Variants in STYK1 observed in about 807,000 individuals in gnomAD.
STYK1 encodes tyrosine-protein kinase STYK1.
A neutral mutation model predicts 48.1 loss-of-function variants in STYK1; 46 were observed. The observed-to-expected ratio is 0.96, with a 90% CI of 0.75 to 1.22. The LOEUF (loss-of-function observed/expected upper bound fraction) is 1.22. Among genes scored for constraint, STYK1 ranks in the 50% most tolerant of loss-of-function variants. STYK1 has a pLI of 0.00. For missense variants in STYK1, 527 were observed against 521.1 expected (o/e 1.01, Z -0.11); for synonymous variants, 188 against 189.0 (o/e 0.99, Z 0.04).
At chr12:10,644,486 A>G (rs1394885295) in intron 1 of STYK1, among the ~76,000 whole-genome samples, 2 of 152,258 alleles carry the variant, frequency 1.3e-5, no homozygotes, top group Non-Finnish European at 2.9e-5. Context: ...CTATTTTTGC[A>G]ACTACTTGTG....
chr12:10,642,151 C>T (rs1399552396), intron 1 of STYK1, among the ~76,000 whole-genome samples: 1 of 152,190 alleles, frequency 6.6e-6, no homozygotes, highest in Non-Finnish European at 1.5e-5. Flanking sequence ...CTTGTCCCTG[C>T]AAGAGCTCCC....
chr12:10,667,684 AG>A (rs1947847436), intron 1 of STYK1, among the ~76,000 whole-genome samples: 1 of 152,208 alleles, frequency 6.6e-6, no homozygotes, highest in South Asian at 2.1e-4. Flanking sequence ...CACTATGCCA[AG>A]AAGGGTTATT....
intron 4 of STYK1, among the ~76,000 whole-genome samples, chr12:10,632,885 G>A (rs915353725): frequency 5.9e-5 from 9 of 151,982 alleles, no homozygotes; most frequent in South Asian, 2.1e-4. Context: ...AAACACAGAA[G>A]ACAGGACTTG....
intron 7 of STYK1, 72 bp downstream of exon 7, chr12:10,627,569 A>T: frequency 1.5e-6 from 2 of 1,360,494 alleles, no homozygotes; most frequent in South Asian, 2.5e-5. Flanking sequence ...TATTAATATG[A>T]GAAATATGGC....
In STYK1 at chr12:10,622,621, T is replaced by G. The variant is rs1370466452; in HGVS notation, c.967+17A>C. On this transcript the variant is annotated intron_variant, in intron 9 of 10. Transcript: ENST00000075503. ...TATTTGCATACAGGTACACACTATT[T>G]TGGGGCTCATCCTTACCTAGAGTCA... 3.1e-6 allele frequency: 5 copies of G among 1,613,910 alleles called. No homozygotes were observed. Among genetic ancestry groups the G allele is most frequent in the African/African-American group, 1.3e-5 (1 of 75,028 alleles).
At chr12:10,668,642 G>A (rs1195723694) in intron 1 of STYK1, among the ~76,000 whole-genome samples, 6 of 136,410 alleles carry the variant, frequency 4.4e-5, no homozygotes, top group African/African-American at 1.4e-4. Context: ...TGATCCGCCC[G>A]CCTCAGCCTC....
At position 10,672,031 on chromosome 12, in the gene STYK1, C is replaced by T. The variant is rs1947896307; in HGVS notation, c.-195+1935G>A. On this transcript the variant is annotated intron_variant, in intron 1 of 10. Coordinates refer to ENST00000075503, the MANE Select transcript of STYK1 (RefSeq NM_018423.3). This position sits in a 1 kb window ranked among gnomAD's most constrained non-coding sequence, Gnocchi z 4.0. ...TTAAAATGAGGTAATTAGGATGGAC[C>T]CTAATCCAATAAGACTAGTGTCCTT... Among the ~76,000 whole-genome samples, 1 of 151,924 alleles carries T rather than the reference C, an allele frequency of 6.6e-6. No homozygotes were observed. Among genetic ancestry groups the T allele is most frequent in the Admixed American group, 6.6e-5 (1 of 15,264 alleles).
At chr12:10,658,859 T>C (rs1947746629) in intron 1 of STYK1, among the ~76,000 whole-genome samples, 2 of 152,202 alleles carry the variant, frequency 1.3e-5, no homozygotes, top group African/African-American at 4.8e-5. Flanking sequence ...TACATAATAT[T>C]ATTGTGTGCC....
At chr12:10,633,776 C>T (rs1259934195) in intron 4 of STYK1, among the ~76,000 whole-genome samples, 1 of 152,144 alleles carries the variant, frequency 6.6e-6, no homozygotes, top group Non-Finnish European at 1.5e-5. Flanking sequence ...TTCTTGCACA[C>T]TCTTTTTTCA....
chr12:10,666,017 C>T (rs1467184203), intron 1 of STYK1, among the ~76,000 whole-genome samples: 1 of 152,220 alleles, frequency 6.6e-6, no homozygotes, highest in Non-Finnish European at 1.5e-5. Flanking sequence ...CCTCTCTCCT[C>T]CTTCCTTAAG....
chr12:10,629,375 T>C, intron 6 of STYK1, 118 bp downstream of exon 6: 2 of 1,036,668 alleles, frequency 1.9e-6, no homozygotes, highest in Non-Finnish European at 2.9e-6. Context: ...TACTCCCTTA[T>C]TCTGTCATGC....
rs1271482942 is a variant in STYK1, at chr12:10,656,276, G to A, written c.-195+17690C>T. Among the ~76,000 whole-genome samples, 17 of 152,250 alleles carry A rather than the reference G, an allele frequency of 1.1e-4. No homozygotes were observed. The East Asian group carries it at 2.3e-3, about 21-fold the overall frequency. On this transcript the variant is annotated intron_variant, in intron 1 of 10. Transcript: ENST00000075503. ...CACGTGGAATTGTAAGTCCATTAAA[G>A]CTTTTCTTTTGTAAATTGTCCAGTC...
At chr12:10,640,678 G>T (rs1213594573) in intron 1 of STYK1, 1 of 152,170 alleles carries the variant, frequency 6.6e-6, no homozygotes, top group Non-Finnish European at 1.5e-5. Context: ...ACCAAATTAT[G>T]AAATCTGAGG....
At chr12:10,631,562 C>T (rs1409532153) in intron 4 of STYK1, among the ~76,000 whole-genome samples, 1 of 152,158 alleles carries the variant, frequency 6.6e-6, no homozygotes, top group Non-Finnish European at 1.5e-5. Context: ...TTCTGCCTTC[C>T]TTCCTCTGGG....
At chr12:10,650,546 C>T (rs2120737883) in intron 1 of STYK1, among the ~76,000 whole-genome samples, 1 of 152,270 alleles carries the variant, frequency 6.6e-6, no homozygotes, top group East Asian at 1.9e-4. Context: ...TTACTACTGC[C>T]CCACCCCAGT....
chr12:10,621,898 G>T lies in STYK1; in HGVS notation c.1042C>A (p.Pro348Thr). 1 of 1,613,858 alleles carries T rather than the reference G, an allele frequency of 6.2e-7. No individual in the cohort carries two copies. The highest frequency in any genetic ancestry group is 2.2e-5 in the East Asian group (1 of 44,864). Residue 348 changes from proline (P) to threonine (T), a missense_variant, in exon 10 of 11, where the codon CCC becomes ACC. Transcript: ENST00000075503. The stretch of plus-strand genomic sequence containing the variant: ...TACATGGTATGTGTGCAGCTACTGG[G>T]TCTCTTCATGATTTTCCTTCTTTGG... ...HLQRRKIMKRPSSCTHTMYSI... is the reference protein window; with the variant it reads ...HLQRRKIMKRTSSCTHTMYSI...
At chr12:10,642,226 T>G (rs557342568) in intron 1 of STYK1, among the ~76,000 whole-genome samples, 1 of 152,208 alleles carries the variant, frequency 6.6e-6, no homozygotes, top group Non-Finnish European at 1.5e-5. Flanking sequence ...TGGAATCTGA[T>G]GGATATCTAT....
chr12:10,624,532 G>A, intron 8 of STYK1, 119 bp downstream of exon 8: 3 of 865,260 alleles, frequency 3.5e-6, no homozygotes, highest in Non-Finnish European at 5.6e-6. Flanking sequence ...TTGAGAGTAT[G>A]TCTGATTTCT....
At chr12:10,638,992 T>C (rs536483913) in intron 1 of STYK1, among the ~76,000 whole-genome samples, 1 of 152,308 alleles carries the variant, frequency 6.6e-6, no homozygotes, top group East Asian at 1.9e-4. Flanking sequence ...AAGTTATTAA[T>C]GGCTTTGGGC....
Sources: gnomAD v4.1 joint callset for allele counts (sites outside exome capture counted in the v4.1 genomes callset) on GRCh38, gnomAD v4.1.1 for gene constraint, Gnocchi (gnomAD v3.1) non-coding constraint, MANE v1.5 for transcripts, NCBI Gene and HGNC (gene_info 2026-07-23, HGNC 2026-07-21) for gene names.